The following CADM2 variants were observed in gnomAD, a reference collection of about 807,000 sequenced individuals.
The protein encoded by CADM2 is cell adhesion molecule 2, also known as immunoglobulin superfamily member 4D.
A neutral mutation model predicts 49.8 loss-of-function variants in CADM2; 12 were observed. The ratio of observed to expected loss-of-function variants is 0.24; its 90% CI spans 0.15 to 0.39. The LOEUF (loss-of-function observed/expected upper bound fraction) is 0.39, where lower values mean the gene tolerates loss of function less well. Among genes scored for constraint, CADM2 ranks in the 10% least tolerant of loss-of-function variants. The pLI is 1.00. For missense variants in CADM2, 378 were observed against 492.3 expected (o/e 0.77, Z 2.20); for synonymous variants, 214 against 175.4 (o/e 1.22, Z -1.74).
At chr3:85,736,076 G>T (rs1313998102) in intron 2 of CADM2, among the ~76,000 whole-genome samples, 1 of 151,976 alleles carries the variant, frequency 6.6e-6, no homozygotes, top group Non-Finnish European at 1.5e-5. Context: ...ACATACTCCA[G>T]CCTTAAAGAG....
At chr3:84,988,513 C>T (rs536939480) in intron 1 of CADM2, among the ~76,000 whole-genome samples, 1 of 152,290 alleles carries the variant, frequency 6.6e-6, no homozygotes, top group African/African-American at 2.4e-5. Context: ...GTAAATTCAA[C>T]TCTCAATAAC....
chr3:85,516,918 A>G (rs1010644787), intron 1 of CADM2, among the ~76,000 whole-genome samples: 1 of 151,974 alleles, frequency 6.6e-6, no homozygotes, highest in African/African-American at 2.4e-5. Flanking sequence ...TTTTACTCAA[A>G]TCCTTTTCAC....
intron 8 of CADM2, among the ~76,000 whole-genome samples, chr3:86,021,284 G>T (rs1733138366): frequency 2.6e-5 from 4 of 151,620 alleles, no homozygotes; most frequent in African/African-American, 9.7e-5. Flanking sequence ...TCAAGTGTGA[G>T]TCACCGCACC....
intron 6 of CADM2, among the ~76,000 whole-genome samples, chr3:85,922,427 G>T (rs571032275): frequency 1.3e-5 from 2 of 151,076 alleles, no homozygotes; most frequent in African/African-American, 4.9e-5. Context: ...TTTTAATGAC[G>T]TATTAATGTA....
chr3:86,020,700 T>C (rs1248205780), intron 8 of CADM2, among the ~76,000 whole-genome samples: 1 of 152,084 alleles, frequency 6.6e-6, no homozygotes, highest in Admixed American at 6.6e-5. Context: ...AATCAATAAA[T>C]GTAATCCAGC....
intron 3 of CADM2, among the ~76,000 whole-genome samples, chr3:85,859,020 A>G (rs566882962): frequency 9.2e-5 from 14 of 152,300 alleles, no homozygotes; most frequent in Admixed American, 6.5e-5. Context: ...GGACTCAGCC[A>G]CAAACCTTTT....
chr3:85,653,478 A>C (rs572951608), intron 1 of CADM2, among the ~76,000 whole-genome samples: 53 of 151,698 alleles, frequency 3.5e-4, no homozygotes, highest in Non-Finnish European at 6.9e-4. Flanking sequence ...AAGGACCCCA[A>C]GGTTTTTAGC....
chr3:86,006,072 G>T (rs930944973), intron 8 of CADM2, among the ~76,000 whole-genome samples: 5 of 152,122 alleles, frequency 3.3e-5, no homozygotes, highest in African/African-American at 1.2e-4. Context: ...TGGCTGAATG[G>T]TACTCCATTG....
rs779861265 is a variant in CADM2, at chr3:85,161,642, C to T, written c.61+201974C>T. 3.9e-5 allele frequency among the ~76,000 whole-genome samples: 6 copies of T among 152,026 alleles called. No homozygotes were observed. The South Asian group carries it at 8.3e-4, about 21-fold the overall frequency. On this transcript the variant is annotated intron_variant, in intron 1 of 9. Coordinates refer to ENST00000383699, the MANE Select transcript of CADM2 (RefSeq NM_001167675.2). ...TGTATTTATCTGCTGAAAGAGAAGA[C>T]GTGAGAAAATATGAATCATATGTTG... is the stretch of plus-strand genomic sequence containing the variant.
At chr3:85,116,568 C>G (rs1481143174) in intron 1 of CADM2, among the ~76,000 whole-genome samples, 1 of 152,062 alleles carries the variant, frequency 6.6e-6, no homozygotes, top group Non-Finnish European at 1.5e-5. Context: ...TTATATCAAA[C>G]TTCTAGAAAA....
At chr3:86,034,914 C>G (rs1310927301) in intron 8 of CADM2, among the ~76,000 whole-genome samples, 4 of 151,936 alleles carry the variant, frequency 2.6e-5, no homozygotes, top group African/African-American at 7.2e-5. Flanking sequence ...TCTCTCCACC[C>G]CTACTTCTGC....
intron 1 of CADM2, among the ~76,000 whole-genome samples, chr3:85,588,386 C>A (rs2063002881): frequency 6.6e-6 from 1 of 151,992 alleles, no homozygotes; most frequent in Non-Finnish European, 1.5e-5. Flanking sequence ...ACTCACCCCA[C>A]ATTGACAGTT....
At chr3:85,107,471 G>A (rs1162913274) in intron 1 of CADM2, among the ~76,000 whole-genome samples, 2 of 152,016 alleles carry the variant, frequency 1.3e-5, no homozygotes, top group African/African-American at 4.8e-5. Context: ...AAGTGTTGGT[G>A]ACGAAGGCAA....
At chr3:85,004,200 C>T (rs2033611091) in intron 1 of CADM2, among the ~76,000 whole-genome samples, 1 of 152,012 alleles carries the variant, frequency 6.6e-6, no homozygotes, top group African/African-American at 2.4e-5. Flanking sequence ...ATTATGTAAA[C>T]TATTTCAAAT....
At position 86,066,616 on chromosome 3, in the gene CADM2, A is replaced by G. The variant is rs1739371940; in HGVS notation, c.1097-49A>G. On this transcript the variant is annotated intron_variant, in intron 9 of 9. Transcript: ENST00000383699. Reference sequence around the variant, plus strand: ...AAATAATGTAGCTTTAATGCTGGGTATTTTACCAGTCTCACAGAGCTAACA... The same window carrying G: ...AAATAATGTAGCTTTAATGCTGGGTGTTTTACCAGTCTCACAGAGCTAACA... The G allele has an allele frequency of 1.0e-5, 14 of 1,354,130 alleles. No homozygotes were observed. The East Asian group carries it at 3.2e-4, about 31-fold the overall frequency. 83.9% of individuals were successfully genotyped at this position (1,354,130 alleles called of 1,614,324 possible). A position where few individuals can be genotyped will look rare whatever the true frequency, so the allele number is the denominator to read the frequency against.
intron 1 of CADM2, among the ~76,000 whole-genome samples, chr3:85,526,472 A>C (rs551747347): frequency 1.3e-5 from 2 of 152,206 alleles, no homozygotes; most frequent in Non-Finnish European, 2.9e-5. Context: ...CAACAAAACA[A>C]AACAAAAGCG....
At chr3:85,515,632 T>TATATATATATATATATATA (rs1491095321) in intron 1 of CADM2, among the ~76,000 whole-genome samples, 1 of 94,298 alleles carries the variant, frequency 1.1e-5, no homozygotes, top group African/African-American at 4.9e-5. Flanking sequence ...TATATATATA[T>TATATATATATATATATATA]TTTTTTTTTT....
chr3:85,240,437 G>T (rs771268871), intron 1 of CADM2, among the ~76,000 whole-genome samples: 1 of 151,390 alleles, frequency 6.6e-6, no homozygotes, highest in East Asian at 1.9e-4. Flanking sequence ...AATGATTATT[G>T]CTCATAAAAT....
intron 1 of CADM2, among the ~76,000 whole-genome samples, chr3:85,196,771 G>A (rs1290204708): frequency 6.6e-6 from 1 of 151,840 alleles, no homozygotes; most frequent in Non-Finnish European, 1.5e-5. Context: ...TCCATACATT[G>A]CAGCTAAAAA....
Sources: gnomAD v4.1 joint callset for allele counts (sites outside exome capture counted in the v4.1 genomes callset) on GRCh38, gnomAD v4.1.1 for gene constraint, MANE v1.5 for transcripts, NCBI Gene and HGNC (gene_info 2026-07-23, HGNC 2026-07-21) for gene names.